Variants in ACVR1C observed in about 807,000 individuals in gnomAD.
ACVR1C encodes activin A receptor type 1C.
A neutral mutation model predicts 57.9 loss-of-function variants in ACVR1C; 23 were observed. The observed-to-expected ratio is 0.40, with a 90% CI of 0.29 to 0.56. The LOEUF (loss-of-function observed/expected upper bound fraction) is 0.56. ACVR1C is among the 20% of genes least tolerant of loss of function. The pLI is 0.50. For missense variants in ACVR1C, 480 were observed against 607.9 expected (o/e 0.79, Z 2.21); for synonymous variants, 214 against 215.3 (o/e 0.99, Z 0.05).
At chr2:157,563,951 A>G (rs1445047974) in intron 2 of ACVR1C, among the ~76,000 whole-genome samples, 2 of 152,258 alleles carry the variant, frequency 1.3e-5, no homozygotes, top group East Asian at 3.8e-4. Flanking sequence ...CTTACACATT[A>G]TACAAAAATT....
At chr2:157,602,238 T>C (rs1401450141) in intron 1 of ACVR1C, among the ~76,000 whole-genome samples, 1 of 152,220 alleles carries the variant, frequency 6.6e-6, no homozygotes, top group African/African-American at 2.4e-5. Flanking sequence ...AATTATTTCT[T>C]GGGCCCAATA....
intron 1 of ACVR1C, among the ~76,000 whole-genome samples, chr2:157,599,125 G>C (rs1682211941): frequency 6.6e-6 from 1 of 151,746 alleles, no homozygotes; most frequent in South Asian, 2.1e-4. Flanking sequence ...ACGAAGTCAG[G>C]AGATTAAGAC....
At position 157,532,210 on chromosome 2, in the gene ACVR1C, C is replaced by T. The variant is rs1044110153; in HGVS notation, c.*1708G>A. ...CTATGAGAAAATACAGAAGTATATCCTTCAGAACGCTATTACCCAAGCTGT... is the reference window on the plus strand; with the variant it reads ...CTATGAGAAAATACAGAAGTATATCTTTCAGAACGCTATTACCCAAGCTGT... On this transcript the variant is annotated 3_prime_UTR_variant, in exon 9 of 9. Transcript: ENST00000243349. 10 of 151,914 alleles carry T rather than the reference C, an allele frequency of 6.6e-5. No individual in the cohort carries two copies. The highest frequency in any genetic ancestry group is 1.3e-4 in the Non-Finnish European group (9 of 67,968). 9.4% of individuals were successfully genotyped at this position (151,914 alleles called of 1,614,324 possible).
Position 157,550,521 on chromosome 2 carries a change from AAT to A in ACVR1C, c.545-131_545-130del, listed in dbSNP as rs144601560. The A allele has an allele frequency of 6.3e-3, 5,064 of 804,562 alleles. 166 individuals carry two copies. The African/African-American group carries it at 0.078, about 12-fold the overall frequency. 49.8% of individuals were successfully genotyped at this position (804,562 alleles called of 1,614,324 possible). On this transcript the variant is annotated intron_variant, in intron 3 of 8. Transcript: ENST00000243349. ...TTAATAATTTTATCTATTTTGAAGGAATAAGTACCATTATAGCAAACTTATTT... is the reference window on the plus strand; with the variant it reads ...TTAATAATTTTATCTATTTTGAAGGAAAGTACCATTATAGCAAACTTATTT...
intron 1 of ACVR1C, among the ~76,000 whole-genome samples, chr2:157,615,825 T>C (rs1682633483): frequency 6.6e-6 from 1 of 152,238 alleles, no homozygotes; most frequent in Non-Finnish European, 1.5e-5. Context: ...AGTCCCTTCA[T>C]TGGTTCGTGT....
At position 157,554,201 on chromosome 2, in the gene ACVR1C, G is replaced by GAGAAAGAAAGAAAAAAGAA. The variant is rs1687997985; in HGVS notation, c.544+1891_544+1892insTTCTTTTTTCTTTCTTTCT. On this transcript the variant is annotated intron_variant, in intron 3 of 8. Transcript: ENST00000243349. The stretch of plus-strand genomic sequence containing the variant: ...CTGGAAAAAAAAAAAATAAAGAAGA[G>GAGAAAGAAAGAAAAAAGAA]AGAAAGAAAGAAAGAAAGAAAGAAA... Among the ~76,000 whole-genome samples the GAGAAAGAAAGAAAAAAGAA allele has an allele frequency of 7.2e-5, 3 of 41,444 alleles. No homozygotes were observed. The East Asian group carries it at 2.7e-3, about 38-fold the overall frequency. The allele number at this position is 41,444 out of a possible 152,430, so 27.2% of individuals were successfully genotyped here.
At position 157,591,484 on chromosome 2, in the gene ACVR1C, C is replaced by A. The variant is rs1689054055; in HGVS notation, c.74-4067G>T. On this transcript the variant is annotated intron_variant, in intron 1 of 8. Coordinates refer to ENST00000243349, the MANE Select transcript of ACVR1C (RefSeq NM_145259.3). ...AATATTTTATGACCCTACTTATTTA[C>A]ACCTTATGGAAATCTACAATTACAA... 2.6e-5 allele frequency among the ~76,000 whole-genome samples: 4 copies of A among 152,172 alleles called. No individual in the cohort carries two copies. The South Asian group carries it at 8.3e-4, about 32-fold the overall frequency.
intron 1 of ACVR1C, among the ~76,000 whole-genome samples, chr2:157,594,098 C>G (rs531256680): frequency 2.0e-5 from 3 of 152,166 alleles, no homozygotes; most frequent in Non-Finnish European, 4.4e-5. Flanking sequence ...CTTAAACTTC[C>G]AGCTGTAGGG....
chr2:157,566,772 C>T (rs1213720266), intron 2 of ACVR1C, among the ~76,000 whole-genome samples: 5 of 151,822 alleles, frequency 3.3e-5, no homozygotes, highest in East Asian at 1.9e-4. Context: ...AAGGCGGCAA[C>T]GAGGCTGGGG....
At position 157,541,161 on chromosome 2, in the gene ACVR1C, G is replaced by C. The variant is rs374677932; in HGVS notation, c.1154C>G (p.Ser385Cys). 2.5e-6 allele frequency: 4 copies of C among 1,613,798 alleles called. No individual in the cohort carries two copies. The highest frequency in any genetic ancestry group is 1.3e-5 in the African/African-American group (1 of 74,904). The change falls in exon 7 of 9, where the codon TCC (serine) becomes TGC (cysteine). Residue 385 changes from serine (S) to cysteine (C), a missense_variant. Transcript: ENST00000243349. The stretch of plus-strand genomic sequence containing the variant: ...AGAATAGATGTCAGCTCGTTTGAAG[G>C]ACTCAAAGATATTCACATTCATTGT... ...DDTMNVNIFE[S>C]FKRADIYSVG...
chr2:157,627,089 T>C (rs529972384), intron 1 of ACVR1C, among the ~76,000 whole-genome samples: 1 of 152,194 alleles, frequency 6.6e-6, no homozygotes, highest in Non-Finnish European at 1.5e-5. Flanking sequence ...TTTAAAAAAA[T>C]TGAATCTGTT....
At chr2:157,586,508 T>C (rs1688925057) in intron 2 of ACVR1C, among the ~76,000 whole-genome samples, 1 of 152,178 alleles carries the variant, frequency 6.6e-6, no homozygotes, top group South Asian at 2.1e-4. Context: ...AAACTAGTTT[T>C]AAATTCAGAA....
chr2:157,539,770 T>G (rs895831451), intron 7 of ACVR1C, among the ~76,000 whole-genome samples: 2 of 152,212 alleles, frequency 1.3e-5, no homozygotes, highest in Non-Finnish European at 2.9e-5. Flanking sequence ...AGCTAGTAAG[T>G]GGCAGATCTG....
rs540662592 is a variant in ACVR1C at position 157,537,610 on chromosome 2, C to T, written c.1356+963G>A. On this transcript the variant is annotated intron_variant, in intron 8 of 8. Transcript: ENST00000243349. ...AGAGAAAAATGAGGCAAAAAGGCAA[C>T]TATATAAAATATTCCCCAAAACAAA... 2.3e-3 allele frequency among the ~76,000 whole-genome samples: 346 copies of T among 152,046 alleles called. 1 individual carries two copies. The highest frequency in any genetic ancestry group is 7.7e-3 in the African/African-American group (321 of 41,496).
At chr2:157,538,465 T>A in intron 8 of ACVR1C, 108 bp downstream of exon 8, 1 of 1,080,112 alleles carries the variant, frequency 9.3e-7, no homozygotes, top group Non-Finnish European at 1.2e-6. Flanking sequence ...AAGACGTATG[T>A]CTACATATAT....
At chr2:157,591,654 A>G (rs547880332) in intron 1 of ACVR1C, among the ~76,000 whole-genome samples, 1 of 152,178 alleles carries the variant, frequency 6.6e-6, no homozygotes, top group East Asian at 1.9e-4. Flanking sequence ...TTTCATCAGA[A>G]TCTCCTTGGA....
At chr2:157,554,745 C>T (rs538816459) in intron 3 of ACVR1C, among the ~76,000 whole-genome samples, 1 of 152,238 alleles carries the variant, frequency 6.6e-6, no homozygotes, top group East Asian at 1.9e-4. Context: ...TTGTTACTGC[C>T]TGGATTTTCC....
intron 1 of ACVR1C, among the ~76,000 whole-genome samples, chr2:157,599,857 C>T (rs1682242048): frequency 6.6e-6 from 1 of 152,186 alleles, no homozygotes; most frequent in South Asian, 2.1e-4. Flanking sequence ...AAAAACACCA[C>T]AGGATCCCTA....
At position 157,544,626 on chromosome 2, in the gene ACVR1C, G is replaced by A. The variant is rs764737212; in HGVS notation, c.776-14C>T. On this transcript the variant is annotated splice_polypyrimidine_tract_variant and intron_variant, in intron 4 of 8. Coordinates refer to ENST00000243349, the MANE Select transcript of ACVR1C (RefSeq NM_145259.3). ...AAGTTCCATTATCTAACAAGAAAAT[G>A]TAATTTTGTTGTTGTAAATACATAT... The A allele has an allele frequency of 4.8e-5, 76 of 1,592,062 alleles. No individual in the cohort carries two copies. The highest frequency in any genetic ancestry group is 1.7e-4 in the South Asian group (15 of 88,518).
Sources: gnomAD v4.1 joint callset for allele counts (sites outside exome capture counted in the v4.1 genomes callset) on GRCh38, gnomAD v4.1.1 for gene constraint, MANE v1.5 for transcripts, NCBI Gene and HGNC (gene_info 2026-07-23, HGNC 2026-07-21) for gene names.